LRRC4C: variants seen among roughly 807,000 people sequenced by gnomAD.
LRRC4C encodes leucine-rich repeat-containing protein 4C.
LRRC4C carries 5 observed loss-of-function variants against 33.6 expected under a neutral mutation model. The observed-to-expected ratio is 0.15, with a 90% confidence interval of 0.08 to 0.31. The LOEUF is 0.31. Ranked by LOEUF, LRRC4C falls within the 10% of genes least tolerant of loss-of-function variation. The probability of loss-of-function intolerance (pLI) is 1.00; values close to 1 mark genes in which losing one functional copy is unlikely to be tolerated. For synonymous variants in LRRC4C, 329 were observed against 302.0 expected, an observed-to-expected ratio of 1.09 and a Z score of -0.93; for missense variants, 560 against 796.7, an observed-to-expected ratio of 0.70 and a Z score of 3.58.
At chr11:40,687,533 G>A (rs1166899383) in intron 2 of LRRC4C, among the ~76,000 whole-genome samples, 6 of 151,964 alleles carry the variant, frequency 3.9e-5, no homozygotes, top group African/African-American at 1.5e-4. Flanking sequence ...TTAATAAATA[G>A]TATTTGATTA....
intron 3 of LRRC4C, among the ~76,000 whole-genome samples, chr11:40,463,431 A>G (rs1431927742): frequency 6.6e-6 from 1 of 151,804 alleles, no homozygotes; most frequent in Non-Finnish European, 1.5e-5. Flanking sequence ...ATAGATACTG[A>G]GTTTAATTTA....
intron 1 of LRRC4C, among the ~76,000 whole-genome samples, chr11:41,194,585 A>C (rs1474340472): frequency 1.3e-5 from 2 of 152,130 alleles, no homozygotes; most frequent in Non-Finnish European, 1.5e-5. Flanking sequence ...TCATGTTAGA[A>C]GGAACTGAGG....
intron 2 of LRRC4C, among the ~76,000 whole-genome samples, chr11:40,899,252 C>T (rs986790905): frequency 4.6e-5 from 7 of 152,120 alleles, no homozygotes; most frequent in Non-Finnish European, 8.8e-5. Context: ...TGTGCATCTA[C>T]GATGCATTTC....
chr11:40,987,982 T>G (rs1374834202), intron 1 of LRRC4C, among the ~76,000 whole-genome samples: 1 of 152,082 alleles, frequency 6.6e-6, no homozygotes, highest in Non-Finnish European at 1.5e-5. Context: ...CTGAACTCTT[T>G]GTGCCTCTAT....
intron 4 of LRRC4C, among the ~76,000 whole-genome samples, chr11:40,294,854 A>T (rs566352397): frequency 1.3e-5 from 2 of 151,926 alleles, no homozygotes; most frequent in East Asian, 1.9e-4. Flanking sequence ...TAAATAAATA[A>T]AAAAAAAGAA....
intron 5 of LRRC4C, among the ~76,000 whole-genome samples, chr11:40,217,153 C>T (rs1310630657): frequency 1.3e-5 from 2 of 152,016 alleles, no homozygotes; most frequent in Non-Finnish European, 2.9e-5. Context: ...ATATGCAGAC[C>T]TTTAATTAAT....
Position 41,115,367 on chromosome 11 carries a change from C to T in LRRC4C, c.-495-181644G>A, listed in dbSNP as rs1590639139. Among the ~76,000 whole-genome samples the T allele has an allele frequency of 2.7e-5, 4 of 150,790 alleles. No homozygotes were observed. The South Asian group carries it at 8.4e-4, about 32-fold the overall frequency. ...CTGACTAGATCACTGTTCCCTATAT[C>T]CCCCCATCTTTTTTTTTCTTTTTTT... On this transcript the variant is annotated intron_variant, in intron 1 of 6. Coordinates refer to ENST00000528697, the MANE Select transcript of LRRC4C (RefSeq NM_001258419.2).
intron 3 of LRRC4C, among the ~76,000 whole-genome samples, chr11:40,362,989 T>A (rs921681306): frequency 2.0e-4 from 31 of 152,140 alleles, no homozygotes; most frequent in Admixed American, 1.8e-3. Context: ...GTTCAGCCAT[T>A]GTGGAAGACA....
intron 4 of LRRC4C, among the ~76,000 whole-genome samples, chr11:40,312,310 T>C (rs779425172): frequency 3.3e-5 from 5 of 152,184 alleles, no homozygotes; most frequent in Non-Finnish European, 4.4e-5. Context: ...ATTGCCTAGA[T>C]TTTAATCCCA....
At chr11:41,027,724 T>G (rs2137772002) in intron 1 of LRRC4C, among the ~76,000 whole-genome samples, 1 of 151,802 alleles carries the variant, frequency 6.6e-6, no homozygotes, top group South Asian at 2.1e-4. Context: ...TAATAGAATA[T>G]TGATAACCCA....
chr11:40,582,867 G>A (rs558915502), intron 3 of LRRC4C, among the ~76,000 whole-genome samples: 3 of 152,112 alleles, frequency 2.0e-5, no homozygotes, highest in East Asian at 1.9e-4. Context: ...TATTTATGGA[G>A]TACATGATAT....
chr11:40,822,132 C>T (rs866696274), intron 2 of LRRC4C, among the ~76,000 whole-genome samples: 39 of 151,680 alleles, frequency 2.6e-4, no homozygotes, highest in Non-Finnish European at 1.0e-4. Context: ...TTTGTAACCA[C>T]TAACCCACCA....
chr11:41,179,632 G>A (rs773156892), intron 1 of LRRC4C, among the ~76,000 whole-genome samples: 3 of 151,892 alleles, frequency 2.0e-5, no homozygotes. Flanking sequence ...CATTGTTTTC[G>A]GCAACAATTA....
intron 1 of LRRC4C, among the ~76,000 whole-genome samples, chr11:41,350,293 G>A (rs1038958460): frequency 6.6e-6 from 1 of 152,066 alleles, no homozygotes. Flanking sequence ...GGCGGATCAT[G>A]AGGTCAGGAG....
intron 4 of LRRC4C, among the ~76,000 whole-genome samples, chr11:40,303,668 TC>T (rs1479455642): frequency 6.6e-6 from 1 of 151,972 alleles, no homozygotes; most frequent in Non-Finnish European, 1.5e-5. Flanking sequence ...ACATTTTTTT[TC>T]TTTTATTTAG....
chr11:40,481,773 A>G (rs1953583234), intron 3 of LRRC4C, among the ~76,000 whole-genome samples: 1 of 152,122 alleles, frequency 6.6e-6, no homozygotes, highest in Non-Finnish European at 1.5e-5. Flanking sequence ...TGTTTGGTCT[A>G]TATTTCTTTT....
chr11:41,009,765 G>A (rs891602860), intron 1 of LRRC4C, among the ~76,000 whole-genome samples: 6 of 152,098 alleles, frequency 3.9e-5, no homozygotes, highest in Non-Finnish European at 7.4e-5. Context: ...TTTTGGAGAG[G>A]CTACACATTT....
intron 3 of LRRC4C, among the ~76,000 whole-genome samples, chr11:40,332,187 C>G (rs1388043836): frequency 1.3e-5 from 2 of 152,148 alleles, no homozygotes; most frequent in African/African-American, 4.8e-5. Context: ...CTTACACTTC[C>G]TGGAAGTCAG....
intron 1 of LRRC4C, among the ~76,000 whole-genome samples, chr11:41,292,748 G>C (rs1950027292): frequency 1.3e-5 from 2 of 151,888 alleles, no homozygotes; most frequent in Admixed American, 6.6e-5. Flanking sequence ...TTAATCCTTT[G>C]GATCATAATA....
Sources: gnomAD v4.1 joint callset for allele counts (sites outside exome capture counted in the v4.1 genomes callset) on GRCh38, gnomAD v4.1.1 for gene constraint, MANE v1.5 for transcripts, NCBI Gene and HGNC (gene_info 2026-07-23, HGNC 2026-07-21) for gene names.